The following RPGRIP1L variants were observed in gnomAD, a reference collection of about 807,000 sequenced individuals.
RPGRIP1L encodes RPGRIP1 like.
Under a neutral mutation model 160.4 loss-of-function variants are expected in RPGRIP1L, and 131 were observed. The ratio of observed to expected loss-of-function variants is 0.82; its 90% CI spans 0.71 to 0.94. The LOEUF is 0.94. Among genes scored for constraint, RPGRIP1L ranks in the 40% least tolerant of loss-of-function variants. The probability of loss-of-function intolerance (pLI) is 0.00; values close to 1 mark genes in which losing one functional copy is unlikely to be tolerated. For synonymous variants in RPGRIP1L, 510 were observed against 515.8 expected, an observed-to-expected ratio of 0.99 and a Z score of 0.15; for missense variants, 1,522 against 1,535.8, an observed-to-expected ratio of 0.99 and a Z score of 0.15.
intron 3 of RPGRIP1L, chr16:53,695,587 T>C (rs969084752): frequency 1.7e-6 from 1 of 588,688 alleles, no homozygotes. Context: ...GTATCTACTC[T>C]TAAGAAATCA....
intron 19 of RPGRIP1L, among the ~76,000 whole-genome samples, chr16:53,639,625 A>G (rs1287653929): frequency 6.6e-6 from 1 of 152,118 alleles, no homozygotes; most frequent in Non-Finnish European, 1.5e-5. Context: ...GAATCAGGCT[A>G]CTGTGTTCAA....
intron 11 of RPGRIP1L, 69 bp from the exon 12 acceptor site, chr16:53,658,533 C>A: frequency 1.6e-6 from 2 of 1,233,494 alleles, no homozygotes; most frequent in South Asian, 1.2e-5. Context: ...TCCAAGTATT[C>A]AAATTATCCC....
chr16:53,696,379 A>G (rs376876571), intron 2 of RPGRIP1L, 84 bp from the exon 3 acceptor site: 4 of 1,392,454 alleles, frequency 2.9e-6, no homozygotes, highest in Non-Finnish European at 1.0e-6. Context: ...TCTCTGATGC[A>G]CTCATCTGAG....
At chr16:53,662,032 A>G (rs1434101694) in intron 10 of RPGRIP1L, among the ~76,000 whole-genome samples, 1 of 152,196 alleles carries the variant, frequency 6.6e-6, no homozygotes, top group African/African-American at 2.4e-5. Flanking sequence ...TATAATAGGC[A>G]AAATCAAAGC....
intron 24 of RPGRIP1L, among the ~76,000 whole-genome samples, chr16:53,616,880 T>TCG (rs1436447893): frequency 6.6e-6 from 1 of 151,486 alleles, no homozygotes; most frequent in African/African-American, 2.4e-5. Context: ...GAGACCAGCC[T>TCG]CGGCAACATG....
At chr16:53,699,246 A>C (rs1971163827) in intron 2 of RPGRIP1L, among the ~76,000 whole-genome samples, 1 of 151,944 alleles carries the variant, frequency 6.6e-6, no homozygotes, top group African/African-American at 2.4e-5. Context: ...AGGGACACAA[A>C]CACTGAGGAA....
intron 1 of RPGRIP1L, among the ~76,000 whole-genome samples, chr16:53,701,512 C>G (rs1313942955): frequency 6.7e-6 from 1 of 149,816 alleles, no homozygotes; most frequent in African/African-American, 2.5e-5. Context: ...GTGAGTGGTC[C>G]ACACAATATC....
chr16:53,676,711 C>A (rs1292470202), intron 6 of RPGRIP1L, among the ~76,000 whole-genome samples: 2 of 152,094 alleles, frequency 1.3e-5, no homozygotes, highest in African/African-American at 4.8e-5. Context: ...TCGGCTACTG[C>A]AACCTCCGCC....
chr16:53,652,510 C>T (rs779792189), intron 15 of RPGRIP1L, 25 bp downstream of exon 15: 27 of 1,577,568 alleles, frequency 1.7e-5, no homozygotes, highest in Middle Eastern at 3.4e-4. Context: ...AATTCAAACA[C>T]CCAAGGCTTA....
At chr16:53,610,223 C>G (rs577861636) in intron 25 of RPGRIP1L, among the ~76,000 whole-genome samples, 1 of 152,192 alleles carries the variant, frequency 6.6e-6, no homozygotes, top group African/African-American at 2.4e-5. Flanking sequence ...TTTTTAAGAT[C>G]AGTTTTTTTT....
chr16:53,663,194 A>C (rs1290049729), intron 10 of RPGRIP1L, among the ~76,000 whole-genome samples: 1 of 152,004 alleles, frequency 6.6e-6, no homozygotes, highest in Non-Finnish European at 1.5e-5. Context: ...ATTATTAAAA[A>C]AAATTCCCAA....
At chr16:53,647,900 T>G (rs1336171026) in intron 16 of RPGRIP1L, among the ~76,000 whole-genome samples, 1 of 151,796 alleles carries the variant, frequency 6.6e-6, no homozygotes, top group Non-Finnish European at 1.5e-5. Flanking sequence ...GGTCAGGAGA[T>G]CAAGACCATC....
intron 22 of RPGRIP1L, among the ~76,000 whole-genome samples, chr16:53,627,923 C>A (rs1184022096): frequency 2.0e-5 from 3 of 152,070 alleles, no homozygotes; most frequent in Non-Finnish European, 1.5e-5. Context: ...ATTAAATATC[C>A]TTTTATGTTA....
At chr16:53,632,016 T>G (rs1355217699) in intron 22 of RPGRIP1L, among the ~76,000 whole-genome samples, 1 of 152,194 alleles carries the variant, frequency 6.6e-6, no homozygotes, top group Non-Finnish European at 1.5e-5. Context: ...ACTGACAAAG[T>G]GAAGCTCATA....
intron 4 of RPGRIP1L, 67 bp downstream of exon 4, chr16:53,691,999 T>G: frequency 2.0e-6 from 3 of 1,474,102 alleles, no homozygotes; most frequent in Non-Finnish European, 2.8e-6. Context: ...AGTAAAACTT[T>G]GTGTTTTTTT....
chr16:53,695,859 C>T (rs1970714550), intron 3 of RPGRIP1L: 2 of 326,474 alleles, frequency 6.1e-6, no homozygotes, highest in Admixed American at 4.7e-5. Flanking sequence ...TGGCCATTTG[C>T]TTATTAAACT....
At position 53,686,477 on chromosome 16, in the gene RPGRIP1L, C is replaced by T. The variant is rs1225308895; in HGVS notation, c.732G>A (p.Glu244=). 1.2e-6 allele frequency: 2 copies of T among 1,613,560 alleles called. No homozygotes were observed. The highest frequency in any genetic ancestry group is 1.3e-5 in the African/African-American group (1 of 75,002). The stretch of plus-strand genomic sequence containing the variant: ...GTTCTCGAAGCTGAAGAAGAGATAA[C>T]TCAATTTCATTTTCTTTTCTCCTCA... ...TQLRRKENEI[E]LSLLQLREQQ... is the part of the protein sequence containing the mutation. The change falls in exon 6 of 27, where the codon GAG becomes GAA. Residue 244 remains glutamate, a synonymous_variant. Coordinates refer to ENST00000647211, the MANE Select transcript of RPGRIP1L (RefSeq NM_015272.5).
chr16:53,631,559 G>A (rs1203777666), intron 22 of RPGRIP1L, among the ~76,000 whole-genome samples: 2 of 152,104 alleles, frequency 1.3e-5, no homozygotes, highest in Non-Finnish European at 2.9e-5. Context: ...TTTTTTTAAT[G>A]CCATGGCAGA....
intron 9 of RPGRIP1L, among the ~76,000 whole-genome samples, chr16:53,669,772 A>G (rs1968560256): frequency 6.6e-6 from 1 of 152,160 alleles, no homozygotes; most frequent in South Asian, 2.1e-4. Flanking sequence ...TGGATGTATA[A>G]CAGTTCTGTT....
Sources: allele counts gnomAD v4.1 joint callset (sites outside exome capture counted in the v4.1 genomes callset), GRCh38; gene constraint gnomAD v4.1.1; transcripts MANE v1.5; gene names NCBI Gene and HGNC (gene_info 2026-07-23, HGNC 2026-07-21).